Variants in FLCN observed in about 807,000 individuals in gnomAD.
FLCN encodes the protein BHD skin lesion fibrofolliculoma protein.
Under a neutral mutation model 62.5 loss-of-function variants are expected in FLCN, and 22 were observed. That is an observed-to-expected ratio of 0.35 (90% CI 0.25 to 0.50). The LOEUF is 0.50. Ranked by LOEUF, FLCN falls within the 20% of genes least tolerant of loss-of-function variation. FLCN has a pLI of 0.97. For synonymous variants in FLCN, 319 were observed against 310.0 expected, an observed-to-expected ratio of 1.03 and a Z score of -0.30; for missense variants, 657 against 778.0, an observed-to-expected ratio of 0.84 and a Z score of 1.85.
intron 1 of FLCN, among the ~76,000 whole-genome samples, chr17:17,235,101 C>G (rs560989067): frequency 8.6e-6 from 1 of 116,770 alleles, no homozygotes; most frequent in East Asian, 2.7e-4. Flanking sequence ...CAGAGCAAGA[C>G]TCCATTTCAA....
At position 17,219,178 on chromosome 17, in the gene FLCN, G is replaced by A. The variant is rs1597592156; in HGVS notation, c.903C>T (p.Asn301=). Residue 301 remains asparagine, a synonymous_variant, in exon 9 of 14, where the codon AAC becomes AAT. Transcript: ENST00000285071. ...CTTTCTCCTCCTCTTCAGCCTCAGA[G>A]TTGTCCCAGCTTTCTGATTCCTCTT... ...DLEEESESWD[N]SEAEEEEKAP... is the part of the protein sequence containing the mutation. The A allele has an allele frequency of 1.2e-6, 2 of 1,614,180 alleles. No homozygotes were observed. The highest frequency in any genetic ancestry group is 1.7e-6 in the Non-Finnish European group (2 of 1,180,046).
In FLCN at chr17:17,217,185, A is replaced by G. The variant is rs765366618; in HGVS notation, c.1063-3T>C. 6.2e-7 allele frequency: 1 copy of G among 1,604,636 alleles called. No individual in the cohort carries two copies. The highest frequency in any genetic ancestry group is 8.5e-7 in the Non-Finnish European group (1 of 1,171,514). The stretch of plus-strand genomic sequence containing the variant: ...CGGAAAGAAGGGGCACCCAGGACCT[A>G]AACAAGAGAGTGCAGTGCTTTCAGC... On this transcript the variant is annotated splice_region_variant and splice_polypyrimidine_tract_variant and intron_variant, in intron 9 of 13. Coordinates refer to ENST00000285071, the MANE Select transcript of FLCN (RefSeq NM_144997.7).
chr17:17,229,212 G>A (rs555238346), intron 3 of FLCN: 1 of 152,584 alleles, frequency 6.6e-6, no homozygotes, highest in South Asian at 2.1e-4. Context: ...GACCTCCGTG[G>A]AGTGCAGCCC....
intron 4 of FLCN, among the ~76,000 whole-genome samples, chr17:17,226,837 A>T (rs1178258292): frequency 3.9e-5 from 6 of 152,306 alleles, no homozygotes; most frequent in African/African-American, 1.4e-4. Context: ...TTGGTGTGGC[A>T]GCTCACCACT....
Position 17,216,399 on chromosome 17 carries a change from G to A in FLCN, c.1281C>T (p.Pro427=), listed in dbSNP as rs372207262. Residue 427 remains proline (P), a synonymous_variant, in exon 11 of 14, where the codon CCC becomes CCT. Coordinates refer to ENST00000285071, the MANE Select transcript of FLCN (RefSeq NM_144997.7). This position sits in a 1 kb window ranked among gnomAD's most constrained non-coding sequence, Gnocchi z 4.0. Reference sequence around the variant, plus strand: ...ACGCACCTGAGGAGAGCACGTGGGGGGGGATCTGCACGTGCGGGCTGAGCC... The same window carrying A: ...ACGCACCTGAGGAGAGCACGTGGGGAGGGATCTGCACGTGCGGGCTGAGCC... ...FLGLSPHVQI[P]PHVLSSEFAV... 6.2e-7 allele frequency: 1 copy of A among 1,613,622 alleles called. No homozygotes were observed. The highest frequency in any genetic ancestry group is 1.7e-5 in the Admixed American group (1 of 59,990).
intron 9 of FLCN, chr17:17,217,622 CAGCCGTGTGCACA>C: frequency 3.2e-6 from 1 of 315,858 alleles, no homozygotes; most frequent in South Asian, 2.8e-5. Flanking sequence ...ATCTGACATC[CAGCCGTGTGCACA>C]AGCCCAGGGC....
chr17:17,224,186 G>T, intron 5 of FLCN, 43 bp from the exon 6 acceptor site: 1 of 1,517,228 alleles, frequency 6.6e-7, no homozygotes, highest in Admixed American at 2.0e-5. Flanking sequence ...TCCTCGCTTA[G>T]TGACACCAAA....
chr17:17,227,788 T>C (rs1291025785), intron 4 of FLCN, 101 bp downstream of exon 4: 181 of 1,537,030 alleles, frequency 1.2e-4, no homozygotes, highest in Non-Finnish European at 1.6e-4. Flanking sequence ...TGAGAAGCAG[T>C]CTGTGTCACC....
intron 7 of FLCN, among the ~76,000 whole-genome samples, chr17:17,222,039 TAA>T (rs35488709): frequency 4.3e-4 from 61 of 142,608 alleles, no homozygotes; most frequent in African/African-American, 7.5e-4. Context: ...AGATTTGCTT[TAA>T]AAAAAAAAAA....
Position 17,223,887 on chromosome 17 carries a change from C to G in FLCN, c.618+35G>C, listed in dbSNP as rs576673978. On this transcript the variant is annotated intron_variant, in intron 6 of 13. Coordinates refer to ENST00000285071, the MANE Select transcript of FLCN (RefSeq NM_144997.7). The stretch of plus-strand genomic sequence containing the variant: ...CAGAGCGGCTCATGCAGTGCAGGGC[C>G]CCCTGCCGCCCCGGCACCTCATCTC... The G allele has an allele frequency of 1.3e-4, 204 of 1,610,096 alleles. 1 individual carries two copies. In the South Asian group the frequency reaches 2.2e-3, roughly 17 times the overall value.
At position 17,216,576 on chromosome 17, in the gene FLCN, C is replaced by A. The variant is rs536712062; in HGVS notation, c.1177-73G>T. On this transcript the variant is annotated intron_variant, in intron 10 of 13. Transcript: ENST00000285071. This position sits in a 1 kb window ranked among gnomAD's most constrained non-coding sequence, Gnocchi z 4.0. ...GCCCCGGCCATCCATGCTCTACTACCCAAACCCCACACGCCTCCTGCAGCC... is the reference window on the plus strand; with the variant it reads ...GCCCCGGCCATCCATGCTCTACTACACAAACCCCACACGCCTCCTGCAGCC... 911 of 1,600,170 alleles carry A rather than the reference C, an allele frequency of 5.7e-4. 14 individuals carry two copies. In the South Asian group the frequency reaches 9.5e-3, roughly 17 times the overall value.
At chr17:17,225,569 G>A (rs187958492) in intron 5 of FLCN, 94 of 157,190 alleles carry the variant, frequency 6.0e-4, no homozygotes, top group Non-Finnish European at 8.7e-4. Flanking sequence ...AAAATTAGCC[G>A]GGCATGGTGG....
intron 3 of FLCN, among the ~76,000 whole-genome samples, chr17:17,230,853 A>G (rs970064120): frequency 6.6e-6 from 1 of 152,066 alleles, no homozygotes; most frequent in Non-Finnish European, 1.5e-5. Context: ...AGATCGTACT[A>G]CTACATTCCA....
intron 13 of FLCN, 26 bp downstream of exon 13, chr17:17,214,937 TTTCTCCAGGGTCGCAAGCAAAG>T: frequency 1.9e-6 from 3 of 1,591,346 alleles, no homozygotes; most frequent in Non-Finnish European, 2.6e-6. Flanking sequence ...AGCTCCAGGT[TTTCTCCAGGGTCGCAAGCAAAG>T]GGGCCTCACC....
At chr17:17,223,100 CTT>C (rs998065148) in intron 6 of FLCN, 59 of 255,720 alleles carry the variant, frequency 2.3e-4, no homozygotes, top group South Asian at 6.5e-4. Flanking sequence ...TTTTTCCTTT[CTT>C]TTTTTTTTTG....
rs543037880 is a variant in FLCN, at chr17:17,216,916, C to T, written c.1176+153G>A. The T allele has an allele frequency of 1.3e-5, 9 of 701,016 alleles. No individual in the cohort carries two copies. Among genetic ancestry groups the T allele is most frequent in the African/African-American group, 5.2e-5 (3 of 57,230 alleles). The allele number at this position is 701,016 out of a possible 1,614,324, so 43.4% of individuals were successfully genotyped here. On this transcript the variant is annotated intron_variant, in intron 10 of 13. Transcript: ENST00000285071. This position sits in a 1 kb window ranked among gnomAD's most constrained non-coding sequence, Gnocchi z 4.0. ...GATTTAAACATCATCAGACCAGACC[C>T]GGGTCTCCGTGCCCACTGCGCCCCC...
At chr17:17,226,498 C>G (rs184252826) in intron 4 of FLCN, among the ~76,000 whole-genome samples, 176 bp from the exon 5 acceptor site, 30 of 152,318 alleles carry the variant, frequency 2.0e-4, no homozygotes, top group African/African-American at 7.0e-4. Context: ...AAACAGAACA[C>G]AGAGATCGCA....
rs2047161879 is a variant in FLCN at position 17,223,716 on chromosome 17, CAA to C, written c.618+204_618+205del. Among the ~76,000 whole-genome samples, 4 of 152,380 alleles carry C rather than the reference CAA, an allele frequency of 2.6e-5. No individual in the cohort carries two copies. In the South Asian group the frequency reaches 8.3e-4, roughly 32 times the overall value. ...TGAGCGAGAACCAGGACAACGGGCA[CAA>C]GAGAGACCAGCAAAGCAGGCGGGAT... On this transcript the variant is annotated intron_variant, in intron 6 of 13. Transcript: ENST00000285071.
At chr17:17,214,566 C>T (rs1373347277) in intron 13 of FLCN, among the ~76,000 whole-genome samples, 1 of 151,898 alleles carries the variant, frequency 6.6e-6, no homozygotes, top group Non-Finnish European at 1.5e-5. Context: ...TGCACTCCAG[C>T]CTGGGCAACA....
Sources: gnomAD v4.1 joint callset for allele counts (sites outside exome capture counted in the v4.1 genomes callset) on GRCh38, gnomAD v4.1.1 for gene constraint, Gnocchi (gnomAD v3.1) non-coding constraint, MANE v1.5 for transcripts, NCBI Gene and HGNC (gene_info 2026-07-23, HGNC 2026-07-21) for gene names.